Variants in PKHD1 observed in about 807,000 individuals in gnomAD.
PKHD1 encodes the protein fibrocystin.
In PKHD1, 291 loss-of-function variants were observed where a neutral mutation model predicts 412.0. The ratio of observed to expected loss-of-function variants is 0.71; its 90% CI spans 0.64 to 0.78. The LOEUF is 0.78. Ranked by LOEUF, PKHD1 falls within the 30% of genes least tolerant of loss-of-function variation. The pLI, the probability that PKHD1 is intolerant of heterozygous loss-of-function variation, is 0.00. For missense variants in PKHD1, 4,825 were observed against 4,950.7 expected, an observed-to-expected ratio of 0.97 and a Z score of 0.76; for synonymous variants, 1,777 against 1,821.5, an observed-to-expected ratio of 0.98 and a Z score of 0.62.
chr6:52,058,624 T>TGATCAA lies in PKHD1; in HGVS notation c.1234-29_1234-24dup, dbSNP rs570453447. On this transcript the variant is annotated intron_variant, in intron 15 of 66. Coordinates refer to ENST00000371117, the MANE Select transcript of PKHD1 (RefSeq NM_138694.4). ...CACCTATGCCCAAATAAGCATATCA[T>TGATCAA]GATCAATACTATGCAGCTTCCAGGC... The TGATCAA allele has an allele frequency of 7.5e-5, 121 of 1,611,192 alleles. 2 individuals carry two copies. In the South Asian group the frequency reaches 1.3e-3, roughly 17 times the overall value.
intron 60 of PKHD1, among the ~76,000 whole-genome samples, chr6:51,718,903 T>G (rs538322309): frequency 3.9e-5 from 6 of 152,300 alleles, no homozygotes; most frequent in African/African-American, 1.4e-4. Context: ...TGTAAGAAAT[T>G]ATCATTTAAG....
intron 52 of PKHD1, among the ~76,000 whole-genome samples, chr6:51,804,542 C>A (rs1043427415): frequency 6.8e-6 from 1 of 146,952 alleles, no homozygotes; most frequent in African/African-American, 2.7e-5. Flanking sequence ...AGACACAGTT[C>A]TTGGCCTCAT....
Position 51,741,022 on chromosome 6 carries a change from C to T in PKHD1, c.10156+3363G>A, listed in dbSNP as rs75408705. On this transcript the variant is annotated intron_variant, in intron 60 of 66. Coordinates refer to ENST00000371117, the MANE Select transcript of PKHD1 (RefSeq NM_138694.4). ...TCACACACATACATGCTTGTCCACA[C>T]ACTGATAGTAAATCGTGTGTAATAT... The T allele has an allele frequency of 1.9e-3, 931 of 502,400 alleles. 10 individuals carry two copies. Among genetic ancestry groups the T allele is most frequent in the African/African-American group, 0.016 (816 of 51,912 alleles). The allele number at this position is 502,400 out of a possible 1,614,324, so 31.1% of individuals were successfully genotyped here.
chr6:52,086,137 G>A (rs1812754332), intron 1 of PKHD1, among the ~76,000 whole-genome samples: 1 of 148,932 alleles, frequency 6.7e-6, no homozygotes, highest in Non-Finnish European at 1.5e-5. Context: ...GTGTGGCAGG[G>A]TCTCATTCTG....
intron 48 of PKHD1, among the ~76,000 whole-genome samples, chr6:51,866,096 A>C (rs1454659737): frequency 6.6e-6 from 1 of 152,106 alleles, no homozygotes; most frequent in East Asian, 1.9e-4. Context: ...GCAAGACCTT[A>C]GAGATCATCT....
chr6:51,634,073 A>G (rs894384480), intron 64 of PKHD1, among the ~76,000 whole-genome samples: 6 of 152,142 alleles, frequency 3.9e-5, no homozygotes, highest in African/African-American at 1.4e-4. Flanking sequence ...AAAAAAAAAA[A>G]ACTTGTTTAT....
chr6:51,959,917 A>C lies in PKHD1; in HGVS notation c.5861T>G (p.Leu1954Arg), dbSNP rs779469071. The change falls in exon 36 of 67, where the codon CTT becomes CGT. Residue 1954 changes from leucine to arginine, a missense_variant. Physicochemically the swap from Leu to Arg is moderately radical, Grantham distance 102. Coordinates refer to ENST00000371117, the MANE Select transcript of PKHD1 (RefSeq NM_138694.4). ...DNVTVENGQL[L>R]LLDTNTSILN... ...GATGCTTGTGTTAGTGTCCAGCAGAAGCAATTGGCCATTCTCCACTGTGAC... is the reference window on the plus strand; with the variant it reads ...GATGCTTGTGTTAGTGTCCAGCAGACGCAATTGGCCATTCTCCACTGTGAC... 2 of 1,613,566 alleles carry C rather than the reference A, an allele frequency of 1.2e-6. No homozygotes were observed. The highest frequency in any genetic ancestry group is 1.7e-6 in the Non-Finnish European group (2 of 1,179,630).
intron 60 of PKHD1, chr6:51,722,168 C>T (rs562358326): frequency 1.9e-5 from 26 of 1,360,038 alleles, no homozygotes; most frequent in South Asian, 2.6e-5. Flanking sequence ...TACTCATGCC[C>T]GCCCTCAGTG....
chr6:52,039,047 A>C (rs1035891681), intron 27 of PKHD1, among the ~76,000 whole-genome samples: 1 of 152,238 alleles, frequency 6.6e-6, no homozygotes, highest in Non-Finnish European at 1.5e-5. Flanking sequence ...TAAAATGACA[A>C]ATAACTCAAT....
intron 43 of PKHD1, among the ~76,000 whole-genome samples, chr6:51,891,712 AACACACACAC>A (rs58262423): frequency 3.5e-4 from 51 of 143,840 alleles, no homozygotes; most frequent in Non-Finnish European, 5.0e-4. Context: ...TTCCACAAGG[AACACACACAC>A]ACACACACAC....
chr6:51,748,277 A>G lies in PKHD1; in HGVS notation c.9339T>C (p.Ser3113=), dbSNP rs763186740. 4 of 1,614,076 alleles carry G rather than the reference A, an allele frequency of 2.5e-6. No homozygotes were observed. The South Asian group carries it at 3.3e-5, about 13-fold the overall frequency. The part of the protein sequence containing the change: ...GFHIRGHKCS[S]CELLWSDNVA... ...CATTGTCAGACCAAAGCAGTTCACA[A>G]GAGGAGCACTTGTGGCCTCGGATGT... The change falls in exon 58 of 67, where the codon TCT becomes TCC. Residue 3113 remains serine, a synonymous_variant. Transcript: ENST00000371117.
intron 60 of PKHD1, among the ~76,000 whole-genome samples, chr6:51,707,327 C>G (rs1035226882): frequency 6.6e-6 from 1 of 152,116 alleles, no homozygotes; most frequent in Non-Finnish European, 1.5e-5. Flanking sequence ...TACAGGGTGA[C>G]TTTTTGCAAC....
At chr6:51,627,221 C>T (rs1030962980) in intron 65 of PKHD1, 105 bp from the exon 66 acceptor site, 8 of 990,470 alleles carry the variant, frequency 8.1e-6, no homozygotes, top group African/African-American at 6.4e-5. Context: ...AATTATCATA[C>T]ACATGCAACA....
chr6:51,782,244 A>G lies in PKHD1; in HGVS notation c.8441-6323T>C, dbSNP rs1792154072. 4.6e-5 allele frequency among the ~76,000 whole-genome samples: 7 copies of G among 152,256 alleles called. No individual in the cohort carries two copies. The South Asian group carries it at 1.5e-3, about 32-fold the overall frequency. ...ATAGGACAGAAGAATATTTATTTGTATTAGTGTTTGGCTTAAAAAATATAT... is the reference window on the plus strand; with the variant it reads ...ATAGGACAGAAGAATATTTATTTGTGTTAGTGTTTGGCTTAAAAAATATAT... On this transcript the variant is annotated intron_variant, in intron 53 of 66. Coordinates refer to ENST00000371117, the MANE Select transcript of PKHD1 (RefSeq NM_138694.4).
chr6:51,649,058 A>G, intron 62 of PKHD1, 27 bp downstream of exon 62: 4 of 1,608,114 alleles, frequency 2.5e-6, no homozygotes, highest in Non-Finnish European at 3.4e-6. Context: ...AGCTCTAAAG[A>G]CAGATTTGTT....
Position 51,959,953 on chromosome 6 carries a change from T to C in PKHD1, c.5825A>G (p.Asp1942Gly), listed in dbSNP as rs1210846081. The C allele has an allele frequency of 3.8e-5, 62 of 1,613,566 alleles. No individual in the cohort carries two copies. Among genetic ancestry groups the C allele is most frequent in the Non-Finnish European group, 5.3e-5 (62 of 1,179,620 alleles). The stretch of plus-strand genomic sequence containing the variant: ...ATTCTCCACTGTGACGTTGTCGCCA[T>C]CTTGTGGCAGCCTTTCAGGAAACCA... ...HSWFPERLPQ[D>G]GDNVTVENGQ... Residue 1942 changes from aspartate to glycine, a missense_variant, in exon 36 of 67, where the codon GAT (aspartate) becomes GGT (glycine). Transcript: ENST00000371117.
At chr6:51,902,150 G>C (rs1209257850) in intron 43 of PKHD1, among the ~76,000 whole-genome samples, 3 of 152,140 alleles carry the variant, frequency 2.0e-5, no homozygotes. Context: ...CCAGGCATTT[G>C]ATGTAGTCAA....
At position 52,028,650 on chromosome 6, in the gene PKHD1, T is replaced by C. The variant is rs1896971; in HGVS notation, c.3365-299A>G. 0.42 allele frequency among the ~76,000 whole-genome samples: 64,509 copies of C among 151,854 alleles called. 15,445 individuals are homozygous for C. Among genetic ancestry groups the C allele is most frequent in the Admixed American group, 0.56 (8,592 of 15,236 alleles). On this transcript the variant is annotated intron_variant, in intron 29 of 66. Transcript: ENST00000371117. ...ACTCAGCCTCCCAAGCAGCTGGGAT[T>C]ACAGGCATGTGCCACCACACCCAGC...
intron 60 of PKHD1, among the ~76,000 whole-genome samples, chr6:51,681,344 C>T (rs762203656): frequency 2.6e-5 from 4 of 151,998 alleles, no homozygotes; most frequent in Admixed American, 1.3e-4. Context: ...TTGCCACCAA[C>T]CCTGAATAAA....
Sources: allele counts gnomAD v4.1 joint callset (sites outside exome capture counted in the v4.1 genomes callset), GRCh38; gene constraint gnomAD v4.1.1; transcripts MANE v1.5; gene names NCBI Gene and HGNC (gene_info 2026-07-23, HGNC 2026-07-21).